Variants in NCOA1 observed in about 807,000 individuals in gnomAD.
NCOA1 encodes the protein nuclear receptor coactivator 1, also known as Hin-2 protein.
Under a neutral mutation model 150.9 loss-of-function variants are expected in NCOA1, and 35 were observed. The observed-to-expected ratio is 0.23, with a 90% CI of 0.18 to 0.31. NCOA1 has a LOEUF of 0.31. NCOA1 is among the 10% of genes least tolerant of loss of function. The probability of loss-of-function intolerance (pLI) is 1.00; values close to 1 mark genes in which losing one functional copy is unlikely to be tolerated. For synonymous variants in NCOA1, 590 were observed against 630.0 expected (o/e 0.94, Z 0.95); for missense variants, 1,491 against 1,749.3 (o/e 0.85, Z 2.63).
At chr2:24,724,299 A>C (rs1205809509) in intron 14 of NCOA1, among the ~76,000 whole-genome samples, 1 of 152,020 alleles carries the variant, frequency 6.6e-6, no homozygotes, top group Non-Finnish European at 1.5e-5. Flanking sequence ...ATGTATACTT[A>C]CTCATGTTTG....
chr2:24,528,738 G>A (rs1431251588), intron 1 of NCOA1, among the ~76,000 whole-genome samples: 2 of 152,114 alleles, frequency 1.3e-5, no homozygotes, highest in Non-Finnish European at 2.9e-5. Context: ...AACATATAAA[G>A]AATACAGCAA....
rs575844830 is a variant in NCOA1, at chr2:24,548,877, A to G, written c.-395-15418A>G. Among the ~76,000 whole-genome samples the G allele has an allele frequency of 2.0e-5, 3 of 152,140 alleles. No homozygotes were observed. In the East Asian group the frequency reaches 5.8e-4, roughly 30 times the overall value. ...TACAGCCTTCCTCATGGCTGCTTTC[A>G]TGGGCTGGCGTTGAGTGCCTGCAAC... On this transcript the variant is annotated intron_variant, in intron 1 of 22. Coordinates refer to ENST00000348332, the MANE Select transcript of NCOA1 (RefSeq NM_003743.5).
intron 3 of NCOA1, among the ~76,000 whole-genome samples, chr2:24,609,164 G>A (rs933697796): frequency 6.6e-6 from 1 of 152,188 alleles, no homozygotes; most frequent in African/African-American, 2.4e-5. Flanking sequence ...CCCAGAGGGA[G>A]GAGTAGCTAC....
intron 11 of NCOA1, among the ~76,000 whole-genome samples, chr2:24,703,281 ACCTCTT>A (rs1259069640): frequency 6.6e-6 from 1 of 151,960 alleles, no homozygotes; most frequent in East Asian, 1.9e-4. Flanking sequence ...CCTTCCTTTG[ACCTCTT>A]CATCTGAACA....
At chr2:24,674,113 A>G (rs953980263) in intron 7 of NCOA1, among the ~76,000 whole-genome samples, 6 of 105,382 alleles carry the variant, frequency 5.7e-5, no homozygotes, top group East Asian at 3.0e-4. Flanking sequence ...GTTTAAAGAC[A>G]TATGTATGTA....
At chr2:24,525,561 T>C (rs1394360748) in intron 1 of NCOA1, among the ~76,000 whole-genome samples, 1 of 151,934 alleles carries the variant, frequency 6.6e-6, no homozygotes, top group Non-Finnish European at 1.5e-5. Flanking sequence ...CTTTTTTTTT[T>C]TTTTTGAGAC....
chr2:24,760,056 A>T lies in NCOA1; in HGVS notation c.4065+1900A>T, dbSNP rs996269927. On this transcript the variant is annotated intron_variant, in intron 21 of 22. Coordinates refer to ENST00000348332, the MANE Select transcript of NCOA1 (RefSeq NM_003743.5). ...TTTACCCACATAGTCACCACTTTAA[A>T]TTTTCTGCATTCTTTTTGTAGTTCT... Among the ~76,000 whole-genome samples the T allele has an allele frequency of 6.8e-4, 102 of 149,804 alleles. 1 individual carries two copies. Among genetic ancestry groups the T allele is most frequent in the Non-Finnish European group, 1.2e-3 (81 of 67,386 alleles).
intron 14 of NCOA1, among the ~76,000 whole-genome samples, chr2:24,712,183 C>A (rs750851157): frequency 6.6e-6 from 1 of 152,118 alleles, no homozygotes; most frequent in Non-Finnish European, 1.5e-5. Context: ...ATTTTTTGAA[C>A]CTTATTCTCT....
intron 1 of NCOA1, among the ~76,000 whole-genome samples, chr2:24,494,480 T>A (rs796112430): frequency 1.3e-5 from 2 of 152,184 alleles, no homozygotes; most frequent in African/African-American, 4.8e-5. Context: ...ATAGGGCAGG[T>A]GTGGGAGGTC....
intron 7 of NCOA1, among the ~76,000 whole-genome samples, chr2:24,679,320 G>A (rs548662236): frequency 4.9e-4 from 74 of 152,192 alleles, no homozygotes; most frequent in Non-Finnish European, 8.7e-4. Flanking sequence ...AACATATGAG[G>A]GAAACTTGTA....
Position 24,665,872 on chromosome 2 carries a change from G to A in NCOA1, c.213G>A (p.Lys71=). 1 of 1,597,648 alleles carries A rather than the reference G, an allele frequency of 6.3e-7. No homozygotes were observed. Among genetic ancestry groups the A allele is most frequent in the East Asian group, 2.3e-5 (1 of 43,916 alleles). ...AACCAGACAAATGCAAGATTTTGAA[G>A]AAAACAGTCGATCAGATACAGCTAA... The part of the protein sequence containing the change: ...SVKPDKCKIL[K]KTVDQIQLMK... The change falls in exon 6 of 23, where the codon AAG becomes AAA. Residue 71 remains lysine (K), a synonymous_variant. Coordinates refer to ENST00000348332, the MANE Select transcript of NCOA1 (RefSeq NM_003743.5).
chr2:24,716,497 G>T (rs970530619), intron 14 of NCOA1, among the ~76,000 whole-genome samples: 1 of 152,098 alleles, frequency 6.6e-6, no homozygotes, highest in Non-Finnish European at 1.5e-5. Context: ...GAACATCTAT[G>T]TAGAAAAAAA....
intron 16 of NCOA1, 102 bp downstream of exon 16, chr2:24,728,578 G>T: frequency 1.1e-6 from 1 of 950,290 alleles, no homozygotes; most frequent in Non-Finnish European, 1.5e-6. Context: ...TGCTTTAGCT[G>T]TTTTATAATT....
chr2:24,630,097 G>A (rs527713131), intron 3 of NCOA1, among the ~76,000 whole-genome samples: 181 of 151,942 alleles, frequency 1.2e-3, no homozygotes, highest in African/African-American at 4.2e-3. Context: ...CGCCCGTCTC[G>A]GCCTCCCAAA....
chr2:24,496,342 T>C (rs1446062954), intron 1 of NCOA1, among the ~76,000 whole-genome samples: 3 of 152,236 alleles, frequency 2.0e-5, no homozygotes, highest in African/African-American at 7.2e-5. Flanking sequence ...AGATGGCATA[T>C]GCAGAAATAC....
chr2:24,628,235 G>A (rs1669521580), intron 3 of NCOA1, among the ~76,000 whole-genome samples: 1 of 151,810 alleles, frequency 6.6e-6, no homozygotes, highest in Non-Finnish European at 1.5e-5. Flanking sequence ...GGGAGGCAGA[G>A]GTTGCAGTGA....
intron 2 of NCOA1, among the ~76,000 whole-genome samples, chr2:24,579,317 G>A (rs1667108413): frequency 1.3e-5 from 2 of 152,182 alleles, no homozygotes; most frequent in Admixed American, 1.3e-4. Context: ...GGAGAATAAG[G>A]CAGGAGGTTA....
intron 11 of NCOA1, among the ~76,000 whole-genome samples, chr2:24,698,575 C>G (rs1673008484): frequency 6.6e-6 from 1 of 152,100 alleles, no homozygotes; most frequent in Admixed American, 6.5e-5. Context: ...AGAAAGTTTA[C>G]AGAAGTTCAG....
rs141583969 is a variant in NCOA1, at chr2:24,632,482, T to C, written c.-174-11484T>C. 5.6e-3 allele frequency among the ~76,000 whole-genome samples: 849 copies of C among 152,304 alleles called. 12 individuals carry two copies. The highest frequency in any genetic ancestry group is 0.029 in the Admixed American group (438 of 15,300). On this transcript the variant is annotated intron_variant, in intron 3 of 22. Coordinates refer to ENST00000348332, the MANE Select transcript of NCOA1 (RefSeq NM_003743.5). ...AGTGGGAGGCTTGAGGTCCATCTTA[T>C]AGGTTAAAACAGAGGGTCTCTTGGC...
Sources: gnomAD v4.1 joint callset for allele counts (sites outside exome capture counted in the v4.1 genomes callset) on GRCh38, gnomAD v4.1.1 for gene constraint, MANE v1.5 for transcripts, NCBI Gene and HGNC (gene_info 2026-07-23, HGNC 2026-07-21) for gene names.